Variants in DIPK2B observed in about 807,000 individuals in gnomAD.
DIPK2B encodes the protein UPF0672 protein CXorf36.
In DIPK2B, 15 loss-of-function variants were observed where a neutral mutation model predicts 22.2. The ratio of observed to expected loss-of-function variants is 0.68; its 90% CI spans 0.45 to 1.04. The LOEUF is 1.04. DIPK2B is among the 50% of genes least tolerant of loss of function. DIPK2B has a pLI of 0.00. For synonymous variants in DIPK2B, 163 were observed against 153.2 expected (o/e 1.06, Z -0.47); for missense variants, 345 against 348.3 (o/e 0.99, Z 0.08).
chrX:45,153,810 TG>T, intron 4 of DIPK2B, 99 bp downstream of exon 4: 2 of 685,982 alleles, frequency 2.9e-6, no homozygotes, highest in Non-Finnish European at 4.3e-6. Flanking sequence ...CATGCAGAGA[TG>T]GGAAAGGCCC....
intron 1 of DIPK2B, among the ~76,000 whole-genome samples, chrX:45,197,292 C>T (rs1435669588): frequency 9.3e-6 from 1 of 107,745 alleles, no homozygotes; most frequent in African/African-American, 3.4e-5. Flanking sequence ...GGCTGGAGTA[C>T]AGTGGTGTGA....
rs143940030 is a variant in DIPK2B, at chrX:45,161,922, T to C, written c.499-4034A>G. Among the ~76,000 whole-genome samples, 443 of 112,115 alleles carry C rather than the reference T, an allele frequency of 4.0e-3. 3 individuals carry two copies. Among genetic ancestry groups the C allele is most frequent in the African/African-American group, 0.014 (422 of 30,838 alleles). Reference sequence around the variant, plus strand: ...AGTCTCATTTCCCTCCTGTGGAATATAGACTGGCTTTGGTGACTCACTTTT... The same window carrying C: ...AGTCTCATTTCCCTCCTGTGGAATACAGACTGGCTTTGGTGACTCACTTTT... On this transcript the variant is annotated intron_variant, in intron 2 of 4. Transcript: ENST00000398000.
chrX:45,154,309 ATCTATCTATCTG>A (rs59816843), intron 3 of DIPK2B, 111 bp from the exon 4 acceptor site: 25,025 of 663,506 alleles, frequency 0.038, 516 homozygotes, highest in African/African-American at 0.11. Context: ...CTATCTATCT[ATCTATCTATCTG>A]TCTATCTATA....
chrX:45,179,039 G>A (rs2047134521), intron 2 of DIPK2B, among the ~76,000 whole-genome samples: 1 of 111,446 alleles, frequency 9.0e-6, no homozygotes, highest in Non-Finnish European at 1.9e-5. Flanking sequence ...AATTAAGGCA[G>A]TGGCTCTCAA....
chrX:45,163,317 T>C, intron 2 of DIPK2B: 1 of 618,154 alleles, frequency 1.6e-6, no homozygotes, highest in Non-Finnish European at 1.9e-6. Context: ...TTCTTTGAAA[T>C]AAATCTGGAC....
At chrX:45,178,116 C>T (rs2047128557) in intron 2 of DIPK2B, among the ~76,000 whole-genome samples, 1 of 111,671 alleles carries the variant, frequency 9.0e-6, no homozygotes, top group African/African-American at 3.3e-5. Context: ...AAGTCAGACT[C>T]TCCTCTGGAT....
intron 2 of DIPK2B, among the ~76,000 whole-genome samples, chrX:45,160,064 G>T (rs1223419947): frequency 1.8e-5 from 2 of 110,117 alleles, no homozygotes; most frequent in Non-Finnish European, 3.8e-5. Context: ...TTGTGATAAG[G>T]AGTGAGTTTT....
chrX:45,154,060 G>C lies in DIPK2B; in HGVS notation c.811C>G (p.Leu271Val), dbSNP rs767520578. ...PDQAADLAYQ[L>V]LGVLESLRSN... ...CTCAAAGACTCCAGGACACCCAGGA[G>C]CTGGTAGGCAAGGTCGGCTGCCTGA... The change falls in exon 4 of 5, where the codon CTC becomes GTC. Residue 271 changes from leucine (L) to valine (V), a missense_variant. Coordinates refer to ENST00000398000, the MANE Select transcript of DIPK2B (RefSeq NM_176819.4). 1 of 1,211,654 alleles carries C rather than the reference G, an allele frequency of 8.3e-7. No homozygotes were observed. The highest frequency in any genetic ancestry group is 1.1e-6 in the Non-Finnish European group (1 of 895,449).
rs771306818 is a variant in DIPK2B, at chrX:45,154,039, A to T, written c.832T>A (p.Leu278Met). ...AYQLLGVLES[L>M]RSNDLNYFFY... ...AAATAGTTCAAATCGTTGCTCCTCA[A>T]AGACTCCAGGACACCCAGGAGCTGG... Residue 278 changes from leucine (L) to methionine (M), a missense_variant, in exon 4 of 5, where the codon TTG (leucine) becomes ATG (methionine). Leu to Met is a conservative substitution (Grantham distance 15, BLOSUM62 2). Coordinates refer to ENST00000398000, the MANE Select transcript of DIPK2B (RefSeq NM_176819.4). 2 of 1,211,300 alleles carry T rather than the reference A, an allele frequency of 1.7e-6. No homozygotes were observed. The highest frequency in any genetic ancestry group is 5.9e-5 in the East Asian group (2 of 33,817).
rs745877701 is a variant in DIPK2B, at chrX:45,151,649, C to A, written c.*3G>T. ...TCCCCAAGGCCAGCTAGACACCAGC[C>A]CTTCAGAACTTATCGTTATATTTGC... On this transcript the variant is annotated 3_prime_UTR_variant, in exon 5 of 5. Coordinates refer to ENST00000398000, the MANE Select transcript of DIPK2B (RefSeq NM_176819.4). 2.5e-6 allele frequency: 3 copies of A among 1,203,467 alleles called. No homozygotes were observed. Among genetic ancestry groups the A allele is most frequent in the Admixed American group, 2.2e-5 (1 of 45,419 alleles).
intron 2 of DIPK2B, among the ~76,000 whole-genome samples, chrX:45,166,483 G>C (rs1171208049): frequency 9.0e-6 from 1 of 110,949 alleles, no homozygotes; most frequent in African/African-American, 3.3e-5. Context: ...CTGTAAGAGG[G>C]GGGATGACAG....
chrX:45,176,960 A>G (rs1482246980), intron 2 of DIPK2B, among the ~76,000 whole-genome samples: 1 of 111,628 alleles, frequency 9.0e-6, no homozygotes, highest in Non-Finnish European at 1.9e-5. Context: ...TATTCCACGG[A>G]GTATGAACTG....
At chrX:45,171,579 C>T (rs1454871471) in intron 2 of DIPK2B, among the ~76,000 whole-genome samples, 2 of 111,087 alleles carry the variant, frequency 1.8e-5, no homozygotes, top group African/African-American at 6.6e-5. Flanking sequence ...AGGGCCGTGA[C>T]ACTTGCTCTA....
At chrX:45,161,215 C>G (rs775528269) in intron 2 of DIPK2B, among the ~76,000 whole-genome samples, 2 of 112,254 alleles carry the variant, frequency 1.8e-5, no homozygotes, top group Non-Finnish European at 3.8e-5. Context: ...TGGCCTTCGA[C>G]AGCTATGTAT....
intron 2 of DIPK2B, among the ~76,000 whole-genome samples, chrX:45,164,942 A>G (rs2047040193): frequency 9.0e-6 from 1 of 110,785 alleles, no homozygotes; most frequent in African/African-American, 3.3e-5. Flanking sequence ...CCCAGATTCC[A>G]GTAGGGTATT....
chrX:45,168,967 C>A (rs2047064653), intron 2 of DIPK2B, among the ~76,000 whole-genome samples: 1 of 112,058 alleles, frequency 8.9e-6, no homozygotes, highest in Non-Finnish European at 1.9e-5. Context: ...GATGGCATGA[C>A]CTGAGGCAAG....
At chrX:45,194,923 C>A (rs2047231219) in intron 1 of DIPK2B, among the ~76,000 whole-genome samples, 1 of 111,352 alleles carries the variant, frequency 9.0e-6, no homozygotes, top group Non-Finnish European at 1.9e-5. Flanking sequence ...TTTTTTCTGT[C>A]CCCACCTCCT....
At chrX:45,182,171 G>T (rs1483328927) in intron 2 of DIPK2B, among the ~76,000 whole-genome samples, 2 of 110,417 alleles carry the variant, frequency 1.8e-5, no homozygotes, top group African/African-American at 6.6e-5. Flanking sequence ...CTTGTATCCA[G>T]AATATAAATA....
intron 2 of DIPK2B, among the ~76,000 whole-genome samples, chrX:45,175,697 A>ATACATATATG (rs2047114019): frequency 2.0e-5 from 2 of 101,879 alleles, no homozygotes; most frequent in Non-Finnish European, 4.0e-5. Flanking sequence ...TAAAGTATAC[A>ATACATATATG]TACATATATG....
Sources: allele counts gnomAD v4.1 joint callset (sites outside exome capture counted in the v4.1 genomes callset), GRCh38; gene constraint gnomAD v4.1.1; transcripts MANE v1.5; gene names NCBI Gene and HGNC (gene_info 2026-07-23, HGNC 2026-07-21).